Variants in NAALADL2 observed in about 807,000 individuals in gnomAD.
NAALADL2 encodes the protein inactive N-acetylated-alpha-linked acidic dipeptidase-like protein 2.
NAALADL2 carries 76 observed loss-of-function variants against 87.2 expected under a neutral mutation model. The observed-to-expected ratio is 0.87, with a 90% confidence interval of 0.72 to 1.05. NAALADL2 has a LOEUF of 1.05. NAALADL2 is among the 50% of genes least tolerant of loss of function. The probability of loss-of-function intolerance (pLI) is 0.00; values close to 1 mark genes in which losing one functional copy is unlikely to be tolerated. For missense variants in NAALADL2, 1,089 were observed against 945.8 expected, an observed-to-expected ratio of 1.15 and a Z score of -1.99; for synonymous variants, 354 against 331.0, an observed-to-expected ratio of 1.07 and a Z score of -0.75.
chr3:174,533,828 A>G (rs1721464842), intron 1 of NAALADL2, among the ~76,000 whole-genome samples: 1 of 152,160 alleles, frequency 6.6e-6, no homozygotes, highest in African/African-American at 2.4e-5. Context: ...AAGAAAAGAG[A>G]GGACATTTCA....
intron 1 of NAALADL2, among the ~76,000 whole-genome samples, chr3:175,039,345 C>T (rs534872384): frequency 6.7e-4 from 102 of 152,102 alleles, no homozygotes; most frequent in African/African-American, 2.3e-3. Context: ...TTTTTATATT[C>T]TTAGTAGAGA....
intron 1 of NAALADL2, among the ~76,000 whole-genome samples, chr3:174,930,600 TTAAA>T (rs1389420849): frequency 6.7e-6 from 1 of 149,902 alleles, no homozygotes; most frequent in Non-Finnish European, 1.5e-5. Context: ...TGCAAGTCCT[TTAAA>T]TAAGATGAAC....
intron 2 of NAALADL2, among the ~76,000 whole-genome samples, chr3:174,681,051 A>G (rs1727486276): frequency 1.3e-5 from 2 of 152,104 alleles, no homozygotes; most frequent in South Asian, 4.1e-4. Context: ...TACTAATTGC[A>G]AGACTTTGCA....
At chr3:175,567,936 G>A (rs1451222758) in intron 9 of NAALADL2, among the ~76,000 whole-genome samples, 2 of 151,842 alleles carry the variant, frequency 1.3e-5, no homozygotes, top group Admixed American at 6.6e-5. Flanking sequence ...GGCTGGTCTC[G>A]AACTCCTGGC....
intron 1 of NAALADL2, among the ~76,000 whole-genome samples, chr3:174,940,188 C>T (rs995992901): frequency 2.6e-5 from 4 of 151,986 alleles, no homozygotes; most frequent in Non-Finnish European, 4.4e-5. Context: ...CATGTTCCTT[C>T]GATATAGTTT....
chr3:175,177,628 A>G (rs1264772821), intron 2 of NAALADL2, among the ~76,000 whole-genome samples: 2 of 152,162 alleles, frequency 1.3e-5, no homozygotes, highest in Non-Finnish European at 2.9e-5. Flanking sequence ...TGCAAAATAT[A>G]AAAGGAGCAT....
At chr3:174,562,335 A>G (rs1340924800) in intron 2 of NAALADL2, among the ~76,000 whole-genome samples, 1 of 152,198 alleles carries the variant, frequency 6.6e-6, no homozygotes, top group Non-Finnish European at 1.5e-5. Context: ...AATTTAAAAT[A>G]CCAGTAGCCT....
intron 4 of NAALADL2, among the ~76,000 whole-genome samples, chr3:175,323,617 T>C (rs1169817580): frequency 7.3e-5 from 11 of 149,752 alleles, no homozygotes; most frequent in Admixed American, 7.3e-4. Flanking sequence ...AAATAAAATA[T>C]AGACATTATA....
intron 2 of NAALADL2, among the ~76,000 whole-genome samples, chr3:174,639,149 A>C (rs1431338014): frequency 6.6e-6 from 1 of 152,130 alleles, no homozygotes; most frequent in Non-Finnish European, 1.5e-5. Flanking sequence ...TCAACTTTTG[A>C]ATTTTTGACA....
intron 1 of NAALADL2, among the ~76,000 whole-genome samples, chr3:175,083,890 G>C (rs1347749837): frequency 2.0e-5 from 3 of 152,138 alleles, no homozygotes; most frequent in Non-Finnish European, 2.9e-5. Context: ...CCAGGTTCCA[G>C]ATACAGCGCT....
At chr3:174,573,879 T>C (rs1353815472) in intron 2 of NAALADL2, among the ~76,000 whole-genome samples, 1 of 152,114 alleles carries the variant, frequency 6.6e-6, no homozygotes, top group African/African-American at 2.4e-5. Flanking sequence ...TGAAACTAAA[T>C]GTACCATATC....
chr3:175,609,037 C>T (rs576743336), intron 10 of NAALADL2, among the ~76,000 whole-genome samples: 99 of 151,552 alleles, frequency 6.5e-4, no homozygotes, highest in African/African-American at 1.9e-3. Flanking sequence ...TTGTACTAAG[C>T]GCTCTTTCTG....
At chr3:175,544,764 A>G (rs1407181761) in intron 9 of NAALADL2, among the ~76,000 whole-genome samples, 1 of 151,796 alleles carries the variant, frequency 6.6e-6, no homozygotes, top group Non-Finnish European at 1.5e-5. Flanking sequence ...TATTCCCTTC[A>G]TTATGTCCAA....
chr3:175,579,860 G>T (rs1478566773), intron 10 of NAALADL2, among the ~76,000 whole-genome samples: 1 of 149,146 alleles, frequency 6.7e-6, no homozygotes, highest in East Asian at 1.9e-4. Context: ...TACAGGGCAT[G>T]CCAGAGGGTC....
chr3:175,071,998 CTTT>C (rs1243488556), intron 1 of NAALADL2, among the ~76,000 whole-genome samples: 1 of 151,906 alleles, frequency 6.6e-6, no homozygotes, highest in Non-Finnish European at 1.5e-5. Flanking sequence ...TTCACATATT[CTTT>C]TTTCCCTATA....
At chr3:174,708,632 T>C (rs1188475284) in intron 2 of NAALADL2, among the ~76,000 whole-genome samples, 1 of 152,184 alleles carries the variant, frequency 6.6e-6, no homozygotes, top group Non-Finnish European at 1.5e-5. Flanking sequence ...TTTATGTTTG[T>C]TTGTAAATTT....
At chr3:175,058,579 G>T (rs1347575363) in intron 1 of NAALADL2, among the ~76,000 whole-genome samples, 1 of 152,044 alleles carries the variant, frequency 6.6e-6, no homozygotes, top group Non-Finnish European at 1.5e-5. Context: ...ATAAGTCGGG[G>T]GGTGCATAAT....
intron 2 of NAALADL2, among the ~76,000 whole-genome samples, chr3:174,555,974 C>CGTGTGTGTGT (rs66968495): frequency 2.8e-5 from 4 of 142,540 alleles, no homozygotes; most frequent in Non-Finnish European, 4.6e-5. Context: ...CCTTATCCTC[C>CGTGTGTGTGT]GTGTGTGTGT....
At chr3:175,414,923 G>A (rs1714298265) in intron 5 of NAALADL2, among the ~76,000 whole-genome samples, 1 of 152,136 alleles carries the variant, frequency 6.6e-6, no homozygotes, top group African/African-American at 2.4e-5. Flanking sequence ...CTCCTTCTGG[G>A]ACACTATGTA....
Sources: allele counts gnomAD v4.1 joint callset (sites outside exome capture counted in the v4.1 genomes callset), GRCh38; gene constraint gnomAD v4.1.1; transcripts MANE v1.5; gene names NCBI Gene and HGNC (gene_info 2026-07-23, HGNC 2026-07-21).